The following PYROXD2 variants were observed in gnomAD, a reference collection of about 807,000 sequenced individuals.
PYROXD2 encodes the protein pyridine nucleotide-disulfide oxidoreductase domain-containing protein 2.
In PYROXD2, 69 loss-of-function variants were observed where a neutral mutation model predicts 71.1. That is an observed-to-expected ratio of 0.97 (90% confidence interval 0.80 to 1.19). The LOEUF (loss-of-function observed/expected upper bound fraction) is 1.19, where lower values mean the gene tolerates loss of function less well. Ranked by LOEUF, PYROXD2 falls within the 50% of genes most tolerant of loss-of-function variation. The pLI is 0.00. For missense variants in PYROXD2, 745 were observed against 748.9 expected, an observed-to-expected ratio of 0.99 and a Z score of 0.06; for synonymous variants, 287 against 302.7, an observed-to-expected ratio of 0.95 and a Z score of 0.54.
rs187222806 is a variant in PYROXD2, at chr10:98,403,296, C to G, written c.316-3039G>C. Among the ~76,000 whole-genome samples the G allele has an allele frequency of 5.9e-3, 899 of 152,326 alleles. 7 individuals are homozygous for G. Among genetic ancestry groups the G allele is most frequent in the African/African-American group, 0.02 (831 of 41,574 alleles). On this transcript the variant is annotated intron_variant, in intron 4 of 15. Transcript: ENST00000370575. ...TCCTGGTCATCCTTGACATCCCATC[C>G]GCTGCCTCCAGAATCTGTGCGCGTC...
At chr10:98,390,549 C>A in intron 12 of PYROXD2, 49 bp downstream of exon 12, 1 of 1,518,052 alleles carries the variant, frequency 6.6e-7, no homozygotes, top group South Asian at 1.3e-5. Context: ...CCCCGCCTCC[C>A]AGGCCCATGT....
chr10:98,409,723 C>A (rs539266833), intron 2 of PYROXD2, among the ~76,000 whole-genome samples: 8 of 152,200 alleles, frequency 5.3e-5, no homozygotes, highest in Non-Finnish European at 1.0e-4. Context: ...CTCGGAGAGG[C>A]TAAGTGACAC....
rs773186005 is a variant in PYROXD2, at chr10:98,399,146, C to CAAATA, written c.471+951_471+955dup. Among the ~76,000 whole-genome samples the CAAATA allele has an allele frequency of 1.4e-4, 21 of 151,926 alleles. No individual in the cohort carries two copies. In the East Asian group the frequency reaches 3.5e-3, roughly 25 times the overall value. Reference sequence around the variant, plus strand: ...ACAGAGTGAGACCCTGTCTCAAAAACAAATAAAATAAAATAACAAAATAAA... The same window carrying CAAATA: ...ACAGAGTGAGACCCTGTCTCAAAAACAAATAAAATAAAATAAAATAACAAAATAAA... On this transcript the variant is annotated intron_variant, in intron 5 of 15. Coordinates refer to ENST00000370575, the MANE Select transcript of PYROXD2 (RefSeq NM_032709.3).
intron 1 of PYROXD2, chr10:98,411,852 T>G (rs1843800768): frequency 6.6e-6 from 1 of 152,260 alleles, no homozygotes; most frequent in Non-Finnish European, 1.5e-5. Context: ...TTGGTTACAG[T>G]TCATCTTAAA....
At chr10:98,413,985 G>A (rs1000162143) in intron 1 of PYROXD2, 4 of 152,028 alleles carry the variant, frequency 2.6e-5, no homozygotes, top group African/African-American at 9.7e-5. Flanking sequence ...TTGTAAAATT[G>A]TGTGCAGTGT....
chr10:98,396,257 C>A (rs1356345275), intron 6 of PYROXD2, among the ~76,000 whole-genome samples: 1 of 152,154 alleles, frequency 6.6e-6, no homozygotes, highest in Non-Finnish European at 1.5e-5. Flanking sequence ...CTGAAACAGG[C>A]CTGTACATTG....
chr10:98,384,425 C>T (rs908310930), intron 15 of PYROXD2, among the ~76,000 whole-genome samples: 3 of 152,084 alleles, frequency 2.0e-5, no homozygotes, highest in Non-Finnish European at 4.4e-5. Flanking sequence ...CGAGACCAGC[C>T]CGGGCAACCT....
intron 4 of PYROXD2, 32 bp from the exon 5 acceptor site, chr10:98,400,289 T>C: frequency 6.3e-7 from 1 of 1,584,304 alleles, no homozygotes; most frequent in Non-Finnish European, 8.6e-7. Flanking sequence ...GGCCACATAT[T>C]AATGGCTCTG....
intron 14 of PYROXD2, among the ~76,000 whole-genome samples, chr10:98,386,749 A>G (rs1286843506): frequency 6.6e-6 from 1 of 152,012 alleles, no homozygotes; most frequent in Non-Finnish European, 1.5e-5. Flanking sequence ...GGGTCTCACT[A>G]CGTTGCCTAG....
chr10:98,391,889 C>T (rs1352218291), intron 10 of PYROXD2, among the ~76,000 whole-genome samples: 1 of 152,124 alleles, frequency 6.6e-6, no homozygotes, highest in East Asian at 1.9e-4. Context: ...AGCTCCCAGG[C>T]ACATGAAGGA....
chr10:98,394,556 AC>A (rs1322642720), intron 8 of PYROXD2, among the ~76,000 whole-genome samples: 37 of 151,722 alleles, frequency 2.4e-4, no homozygotes, highest in Non-Finnish European at 4.3e-4. Context: ...ACACACACAC[AC>A]ACACACACAC....
In PYROXD2 at chr10:98,385,052, C is replaced by T. The variant is rs41290472; in HGVS notation, c.1570G>A (p.Ala524Thr). The T allele has an allele frequency of 4.1e-5, 66 of 1,613,830 alleles. No homozygotes were observed. Among genetic ancestry groups the T allele is most frequent in the Non-Finnish European group, 5.2e-5 (61 of 1,179,886 alleles). Residue 524 changes from alanine to threonine, a missense_variant, in exon 15 of 16, where the codon GCC becomes ACC. Physicochemically the swap from Ala to Thr is moderately conservative, Grantham distance 58 (BLOSUM62 0). Coordinates refer to ENST00000370575, the MANE Select transcript of PYROXD2 (RefSeq NM_032709.3). ...AAGTAGAGCTGGTCCAGGGACATGG[C>T]GCAGTGGAATATGTTCTGCAGAGGC... ...GLPGGNIFHC[A>T]MSLDQLYFAR...
chr10:98,391,045 T>C lies in PYROXD2; in HGVS notation c.1100A>G (p.Gln367Arg). The change falls in exon 11 of 16, where the codon CAG (glutamine) becomes CGG (arginine). Residue 367 changes from glutamine (Q) to arginine (R), a missense_variant. Physicochemically the swap from Gln to Arg is conservative, Grantham distance 43. Transcript: ENST00000370575. Reference sequence around the variant, plus strand: ...GGTGACAGGCGACCGGGTGTCCAGCTGAGAGATTCTCTCCAGGAACTCCTC... The same window carrying C: ...GGTGACAGGCGACCGGGTGTCCAGCCGAGAGATTCTCTCCAGGAACTCCTC... The part of the protein sequence containing the change: ...LPEEFLERIS[Q>R]LDTRSPVTKI... 2 of 1,613,492 alleles carry C rather than the reference T, an allele frequency of 1.2e-6. No individual in the cohort carries two copies. Among genetic ancestry groups the C allele is most frequent in the Non-Finnish European group, 1.7e-6 (2 of 1,179,562 alleles).
At position 98,407,773 on chromosome 10, in the gene PYROXD2, C is replaced by T. The variant is rs7091332; in HGVS notation, c.242-118G>A. ...GTCAGCAGGGATGGAGACCGTCACC[C>T]GGGGTCAGCAGGGATGGAGACCGTC... On this transcript the variant is annotated intron_variant, in intron 3 of 15. Coordinates refer to ENST00000370575, the MANE Select transcript of PYROXD2 (RefSeq NM_032709.3). 10 of 887,132 alleles carry T rather than the reference C, an allele frequency of 1.1e-5. 1 individual carries two copies. In the Middle Eastern group the frequency reaches 1.9e-3, roughly 168 times the overall value. The allele number at this position is 887,132 out of a possible 1,614,324, so 55.0% of individuals were successfully genotyped here. A position where few individuals can be genotyped will look rare whatever the true frequency, so the allele number is the denominator to read the frequency against.
intron 12 of PYROXD2, among the ~76,000 whole-genome samples, chr10:98,389,152 C>G (rs1197780313): frequency 6.6e-6 from 1 of 152,150 alleles, no homozygotes; most frequent in Admixed American, 6.5e-5. Context: ...CTGTTCAAAC[C>G]CCAATGCCTG....
intron 4 of PYROXD2, among the ~76,000 whole-genome samples, 184 bp downstream of exon 4, chr10:98,407,398 C>T (rs185285853): frequency 6.6e-6 from 1 of 152,124 alleles, no homozygotes; most frequent in Non-Finnish European, 1.5e-5. Flanking sequence ...ACTACATGGA[C>T]GAGACAAAAC....
intron 7 of PYROXD2, 22 bp from the exon 8 acceptor site, chr10:98,395,315 A>G (rs1590949565): frequency 1.2e-6 from 2 of 1,614,096 alleles, no homozygotes; most frequent in Non-Finnish European, 1.7e-6. Context: ...AACAGCAGAG[A>G]GAAGGGCTTA....
rs775047712 is a variant in PYROXD2 at position 98,390,766 on chromosome 10, A to C, written c.1136-12T>G. ...CCTGTCTACGGCCACTGAGGGACCAAAGAGGAGGGTCAGGTCTTAGCCCCA... is the reference window on the plus strand; with the variant it reads ...CCTGTCTACGGCCACTGAGGGACCACAGAGGAGGGTCAGGTCTTAGCCCCA... On this transcript the variant is annotated splice_polypyrimidine_tract_variant and intron_variant, in intron 11 of 15. Coordinates refer to ENST00000370575, the MANE Select transcript of PYROXD2 (RefSeq NM_032709.3). 1.5e-5 allele frequency: 23 copies of C among 1,574,590 alleles called. No individual in the cohort carries two copies. The highest frequency in any genetic ancestry group is 2.0e-5 in the Non-Finnish European group (23 of 1,159,650).
chr10:98,386,327 G>A (rs11598867), intron 14 of PYROXD2, among the ~76,000 whole-genome samples: 1,801 of 134,796 alleles, frequency 0.013, 32 homozygotes, highest in African/African-American at 0.025. Flanking sequence ...GGAAGGGAGG[G>A]AGGAAGGAAG....
Sources: allele counts gnomAD v4.1 joint callset (sites outside exome capture counted in the v4.1 genomes callset), GRCh38; gene constraint gnomAD v4.1.1; transcripts MANE v1.5; gene names NCBI Gene and HGNC (gene_info 2026-07-23, HGNC 2026-07-21).